The following DPP8 variants were observed in gnomAD, a reference collection of about 807,000 sequenced individuals.
DPP8 encodes dipeptidyl peptidase 8.
Under a neutral mutation model 107.5 loss-of-function variants are expected in DPP8, and 31 were observed. The ratio of observed to expected loss-of-function variants is 0.29; its 90% CI spans 0.22 to 0.39. DPP8 has a LOEUF of 0.39. Among genes scored for constraint, DPP8 ranks in the 10% least tolerant of loss-of-function variants. The pLI is 1.00. For synonymous variants in DPP8, 381 were observed against 356.6 expected, an observed-to-expected ratio of 1.07 and a Z score of -0.77; for missense variants, 842 against 1,076.1, an observed-to-expected ratio of 0.78 and a Z score of 3.04.
At chr15:65,459,177 TTC>T (rs2064705053) in intron 15 of DPP8, among the ~76,000 whole-genome samples, 1 of 150,074 alleles carries the variant, frequency 6.7e-6, no homozygotes, top group South Asian at 2.1e-4. Context: ...GGCCAGATTC[TTC>T]TGTTTCTTCT....
chr15:65,488,603 C>CAAAAAAAAAAAAAAAA (rs1166493197), intron 6 of DPP8, among the ~76,000 whole-genome samples: 1 of 45,288 alleles, frequency 2.2e-5, no homozygotes, highest in African/African-American at 8.4e-5. Context: ...GACCCTGCCT[C>CAAAAAAAAAAAAAAAA]AAAAAAAAAA....
chr15:65,512,307 TTC>T lies in DPP8; in HGVS notation c.245_246del (p.Arg82AsnfsTer9). 6.2e-7 allele frequency: 1 copy of T among 1,611,636 alleles called. No homozygotes were observed. The highest frequency in any genetic ancestry group is 8.5e-7 in the Non-Finnish European group (1 of 1,178,918). ...ACTTCGTACTCACCAAGGTAATAGA[TTC>T]TGTCTGAATGAGGTCCATCTGGATC... ...RNDPDGPHSD[R>X]IYYLAMSGEN... On this transcript the variant is annotated frameshift_variant, in exon 2 of 20. Transcript: ENST00000300141. LOFTEE classifies it high-confidence loss of function.
intron 12 of DPP8, among the ~76,000 whole-genome samples, chr15:65,473,217 C>T (rs911238771): frequency 1.5e-4 from 23 of 150,544 alleles, no homozygotes; most frequent in African/African-American, 5.2e-4. Flanking sequence ...CCCAGCTACT[C>T]GGGAGGCTGA....
intron 12 of DPP8, among the ~76,000 whole-genome samples, chr15:65,469,731 G>C (rs1336067384): frequency 6.6e-6 from 1 of 151,850 alleles, no homozygotes; most frequent in Non-Finnish European, 1.5e-5. Flanking sequence ...AGCTACTCGG[G>C]AGGCTGAGGC....
rs748048066 is a variant in DPP8, at chr15:65,463,925, A to C, written c.1826-19T>G. 1 of 1,524,100 alleles carries C rather than the reference A, an allele frequency of 6.6e-7. No individual in the cohort carries two copies. The highest frequency in any genetic ancestry group is 1.3e-5 in the South Asian group (1 of 76,412). The allele number at this position is 1,524,100 out of a possible 1,614,324, so 94.4% of individuals were successfully genotyped here. A position where few individuals can be genotyped will look rare whatever the true frequency, so the allele number is the denominator to read the frequency against. ...AGAGGACCTGTGAATAGGTAACATA[A>C]CAGAGTCTACAAAAGAGTTCTTATG... On this transcript the variant is annotated intron_variant, in intron 14 of 19. Transcript: ENST00000300141.
chr15:65,512,342 T>C lies in DPP8; in HGVS notation c.212A>G (p.Lys71Arg). 1.2e-6 allele frequency: 2 copies of C among 1,614,024 alleles called. No homozygotes were observed. The highest frequency in any genetic ancestry group is 1.7e-6 in the Non-Finnish European group (2 of 1,180,018). ...ATGAGGTCCATCTGGATCATTCCTC[T>C]TCACAAACATGAAATCATGTGGTGC... is the stretch of plus-strand genomic sequence containing the variant. Reference protein sequence around the residue: ...AKAPHDFMFVKRNDPDGPHSD... With the variant: ...AKAPHDFMFVRRNDPDGPHSD... Residue 71 changes from lysine (K) to arginine (R), a missense_variant, in exon 2 of 20, where the codon AAG becomes AGG. Coordinates refer to ENST00000300141, the MANE Select transcript of DPP8 (RefSeq NM_130434.5).
rs756926287 is a variant in DPP8, at chr15:65,461,713, C to T, written c.1971+2048G>A. Reference sequence around the variant, plus strand: ...CCAGCACCTGGGTTCAAACGATTCTCCTGCCTTAGCCTCCCAAGTAGCTGG... The same window carrying T: ...CCAGCACCTGGGTTCAAACGATTCTTCTGCCTTAGCCTCCCAAGTAGCTGG... On this transcript the variant is annotated intron_variant, in intron 15 of 19. Coordinates refer to ENST00000300141, the MANE Select transcript of DPP8 (RefSeq NM_130434.5). 3.7e-4 allele frequency among the ~76,000 whole-genome samples: 56 copies of T among 151,948 alleles called. 1 individual carries two copies. Among genetic ancestry groups the T allele is most frequent in the Admixed American group, 8.5e-4 (13 of 15,246 alleles).
In DPP8 at chr15:65,467,211, C is replaced by T; in HGVS notation, c.1549G>A (p.Glu517Lys). The T allele has an allele frequency of 6.2e-7, 1 of 1,614,116 alleles. No individual in the cohort carries two copies. Among genetic ancestry groups the T allele is most frequent in the Non-Finnish European group, 8.5e-7 (1 of 1,180,014 alleles). The change falls in exon 13 of 20, where the codon GAA becomes AAA. Residue 517 changes from glutamate (E) to lysine (K), a missense_variant. By Grantham distance (56) the Glu-to-Lys change is moderately conservative (BLOSUM62 1). This residue lies in a region of DPP8 where 663 missense variants were observed against 758.0 expected (regional missense o/e 0.87). Coordinates refer to ENST00000300141, the MANE Select transcript of DPP8 (RefSeq NM_130434.5). The part of the protein sequence containing the change: ...GRHGSNIQVD[E>K]VRRLVYFEGT... The stretch of plus-strand genomic sequence containing the variant: ...TCAAAATATACCAGCCTTCTGACTT[C>T]ATCAACTTGGATCTGACAAGATAAC...
intron 18 of DPP8, among the ~76,000 whole-genome samples, chr15:65,451,424 C>T (rs901280778): frequency 7.9e-5 from 12 of 152,026 alleles, no homozygotes; most frequent in African/African-American, 2.4e-4. Context: ...CCTTGAAAGT[C>T]GTGTACTTAA....
intron 12 of DPP8, among the ~76,000 whole-genome samples, chr15:65,469,124 T>G (rs566841934): frequency 1.3e-5 from 2 of 151,926 alleles, no homozygotes; most frequent in African/African-American, 4.8e-5. Context: ...TACAGGCATG[T>G]ACCACCACGC....
intron 15 of DPP8, among the ~76,000 whole-genome samples, 170 bp downstream of exon 15, chr15:65,463,591 A>G (rs1313732783): frequency 6.6e-6 from 1 of 152,102 alleles, no homozygotes; most frequent in Admixed American, 6.6e-5. Context: ...CTCCAACAAA[A>G]ACCAGTTTCC....
chr15:65,473,743 C>T (rs1288940895), intron 12 of DPP8, among the ~76,000 whole-genome samples: 1 of 152,150 alleles, frequency 6.6e-6, no homozygotes, highest in Admixed American at 6.6e-5. Context: ...TGAGATTTAT[C>T]ATTTAAACTA....
At chr15:65,516,938 A>G (rs1470624045) in intron 1 of DPP8, 1 of 152,882 alleles carries the variant, frequency 6.5e-6, no homozygotes, top group Non-Finnish European at 1.5e-5. Context: ...GTGAGAAGAC[A>G]GGTGTGGCAG....
Position 65,478,792 on chromosome 15 carries a change from T to C in DPP8, c.1456+88A>G, listed in dbSNP as rs2083004791. On this transcript the variant is annotated intron_variant, in intron 11 of 19. Coordinates refer to ENST00000300141, the MANE Select transcript of DPP8 (RefSeq NM_130434.5). ...TTAACAAAGCAAGTATTGATGCTTA[T>C]AAAGCATGCAAAAGATACATTCCCC... 1.2e-5 allele frequency: 11 copies of C among 898,890 alleles called. No homozygotes were observed. In the South Asian group the frequency reaches 1.8e-4, roughly 15 times the overall value. 55.7% of individuals were successfully genotyped at this position (898,890 alleles called of 1,614,324 possible). A position where few individuals can be genotyped will look rare whatever the true frequency, so the allele number is the denominator to read the frequency against.
intron 4 of DPP8, 102 bp from the exon 5 acceptor site, chr15:65,498,134 CAAT>C: frequency 1.1e-6 from 1 of 938,180 alleles, no homozygotes; most frequent in Non-Finnish European, 1.5e-6. Context: ...AAAATGTCAA[CAAT>C]GAGGCCGGGC....
At chr15:65,502,943 A>G (rs1430003127) in intron 3 of DPP8, 1 of 152,192 alleles carries the variant, frequency 6.6e-6, no homozygotes, top group Non-Finnish European at 1.5e-5. Flanking sequence ...AAAGATCTAA[A>G]TAAATAGAAA....
At chr15:65,451,504 TCAGTTTTAAGAAA>T (rs2063973253) in intron 18 of DPP8, among the ~76,000 whole-genome samples, 1 of 152,234 alleles carries the variant, frequency 6.6e-6, no homozygotes, top group African/African-American at 2.4e-5. Context: ...GGCCTGTAAT[TCAGTTTTAAGAAA>T]CAGCCATGCT....
At chr15:65,515,900 C>A in intron 1 of DPP8, 1 of 543,164 alleles carries the variant, frequency 1.8e-6, no homozygotes, top group Non-Finnish European at 3.2e-6. Flanking sequence ...ACCAAAATAT[C>A]ACTTTTTGGG....
At position 65,480,314 on chromosome 15, in the gene DPP8, C is replaced by T; in HGVS notation, c.1204G>A (p.Asp402Asn). The T allele has an allele frequency of 6.2e-7, 1 of 1,613,748 alleles. No individual in the cohort carries two copies. The change falls in exon 10 of 20, where the codon GAT (aspartate) becomes AAT (asparagine). Residue 402 changes from aspartate to asparagine, a missense_variant. Physicochemically the swap from Asp to Asn is conservative, Grantham distance 23. Transcript: ENST00000300141. ...SPELFIPVED[D>N]VMERQRLIES... ...ATGAGTCTCTGCCTTTCCATAACAT[C>T]ATCTTCTACTGGGATAAATAATTCA... is the stretch of plus-strand genomic sequence containing the variant.
Sources: allele counts gnomAD v4.1 joint callset (sites outside exome capture counted in the v4.1 genomes callset), GRCh38; gene constraint gnomAD v4.1.1; regional missense constraint gnomAD v4.1.1; transcripts MANE v1.5; gene names NCBI Gene and HGNC (gene_info 2026-07-23, HGNC 2026-07-21).